EFNA5: variants seen among roughly 807,000 people sequenced by gnomAD.
EFNA5 encodes the protein ephrin-A5.
Under a neutral mutation model 22.9 loss-of-function variants are expected in EFNA5, and 5 were observed. The observed-to-expected ratio is 0.22, with a 90% CI of 0.11 to 0.46. The LOEUF is 0.46. Ranked by LOEUF, EFNA5 falls within the 20% of genes least tolerant of loss-of-function variation. EFNA5 has a pLI of 0.99. For missense variants in EFNA5, 237 were observed against 293.3 expected (o/e 0.81, Z 1.40); for synonymous variants, 113 against 112.2 (o/e 1.01, Z -0.04).
intron 1 of EFNA5, among the ~76,000 whole-genome samples, chr5:107,638,265 G>C (rs919274924): frequency 6.6e-6 from 1 of 152,060 alleles, no homozygotes; most frequent in Non-Finnish European, 1.5e-5. Flanking sequence ...ATACAACACC[G>C]CGTGATCTCA....
chr5:107,407,023 A>T (rs1186477598), intron 2 of EFNA5, among the ~76,000 whole-genome samples: 1 of 152,256 alleles, frequency 6.6e-6, no homozygotes, highest in Non-Finnish European at 1.5e-5. Flanking sequence ...AAGATGAATA[A>T]GTAGCTTATT....
At chr5:107,422,076 C>CCACTG (rs1748682575) in intron 2 of EFNA5, among the ~76,000 whole-genome samples, 3 of 152,328 alleles carry the variant, frequency 2.0e-5, no homozygotes, top group African/African-American at 7.2e-5. Context: ...CAGGCATGAG[C>CCACTG]CACTGCGCCC....
At chr5:107,381,693 T>C (rs1747467659) in intron 4 of EFNA5, among the ~76,000 whole-genome samples, 1 of 152,026 alleles carries the variant, frequency 6.6e-6, no homozygotes. Flanking sequence ...AAATTTCAGA[T>C]ATCTGAATGT....
At chr5:107,636,973 A>G (rs1399656991) in intron 1 of EFNA5, among the ~76,000 whole-genome samples, 1 of 152,250 alleles carries the variant, frequency 6.6e-6, no homozygotes, top group Non-Finnish European at 1.5e-5. Flanking sequence ...TTCTGGTTTT[A>G]TAAGAATAAC....
At chr5:107,418,264 C>T (rs1216517750) in intron 2 of EFNA5, among the ~76,000 whole-genome samples, 1 of 152,202 alleles carries the variant, frequency 6.6e-6, no homozygotes, top group East Asian at 1.9e-4. Context: ...TTCCTTTTTT[C>T]CTGGCATCTG....
intron 1 of EFNA5, among the ~76,000 whole-genome samples, chr5:107,468,683 G>C (rs1750059086): frequency 6.6e-6 from 1 of 152,114 alleles, no homozygotes; most frequent in African/African-American, 2.4e-5. Context: ...CAGTTCTTTT[G>C]GTTGAAAGCT....
intron 2 of EFNA5, among the ~76,000 whole-genome samples, chr5:107,405,436 C>T (rs2112394154): frequency 6.6e-6 from 1 of 152,306 alleles, no homozygotes; most frequent in Admixed American, 6.5e-5. Flanking sequence ...GCAGCAGATT[C>T]ACTCATTTTT....
chr5:107,670,668 A>T lies in EFNA5; in HGVS notation c.-55T>A. 6.3e-7 allele frequency: 1 copy of T among 1,575,268 alleles called. No homozygotes were observed. The highest frequency in any genetic ancestry group is 8.6e-7 in the Non-Finnish European group (1 of 1,161,440). ...GCGCCACTCCGGGGAGAGAGCGGGGATCCGGAGGGAGGGAGGCAGGCAAAG... is the reference window on the plus strand; with the variant it reads ...GCGCCACTCCGGGGAGAGAGCGGGGTTCCGGAGGGAGGGAGGCAGGCAAAG... On this transcript the variant is annotated 5_prime_UTR_variant, in exon 1 of 5. Coordinates refer to ENST00000333274, the MANE Select transcript of EFNA5 (RefSeq NM_001962.3).
chr5:107,392,506 G>A (rs1027902080), intron 2 of EFNA5, among the ~76,000 whole-genome samples: 2 of 152,186 alleles, frequency 1.3e-5, no homozygotes, highest in African/African-American at 2.4e-5. Context: ...ACAATCGGGT[G>A]AGTGAGCTGC....
intron 1 of EFNA5, among the ~76,000 whole-genome samples, chr5:107,599,708 C>T (rs1749548998): frequency 6.6e-6 from 1 of 152,118 alleles, no homozygotes; most frequent in Admixed American, 6.5e-5. Context: ...AAGTAGCTAC[C>T]TATAGGGCAT....
At chr5:107,526,036 G>T (rs1456724677) in intron 1 of EFNA5, among the ~76,000 whole-genome samples, 1 of 152,070 alleles carries the variant, frequency 6.6e-6, no homozygotes, top group African/African-American at 2.4e-5. Context: ...AATCAGAATT[G>T]CCCGCAAAGG....
At chr5:107,636,842 C>T (rs980146672) in intron 1 of EFNA5, among the ~76,000 whole-genome samples, 3 of 152,080 alleles carry the variant, frequency 2.0e-5, no homozygotes, top group African/African-American at 4.8e-5. Context: ...AGGGCAGTGG[C>T]GTGATGACAC....
chr5:107,471,890 A>G lies in EFNA5; in HGVS notation c.126-44381T>C, dbSNP rs554636155. On this transcript the variant is annotated intron_variant, in intron 1 of 4. Coordinates refer to ENST00000333274, the MANE Select transcript of EFNA5 (RefSeq NM_001962.3). ...AAGACAGTGATATTACATATGTAGTAGTTCTTACATGTAGTTGAAGATTTA... is the reference window on the plus strand; with the variant it reads ...AAGACAGTGATATTACATATGTAGTGGTTCTTACATGTAGTTGAAGATTTA... Among the ~76,000 whole-genome samples the G allele has an allele frequency of 2.4e-4, 37 of 152,362 alleles. 1 individual carries two copies. Among genetic ancestry groups the G allele is most frequent in the Admixed American group, 5.9e-4 (9 of 15,298 alleles).
chr5:107,637,445 G>C (rs891925686), intron 1 of EFNA5, among the ~76,000 whole-genome samples: 1 of 152,040 alleles, frequency 6.6e-6, no homozygotes, highest in South Asian at 2.1e-4. Flanking sequence ...GCTTCAGAGA[G>C]AGAAAGCATA....
At chr5:107,454,593 C>A (rs181318395) in intron 1 of EFNA5, among the ~76,000 whole-genome samples, 1 of 152,178 alleles carries the variant, frequency 6.6e-6, no homozygotes, top group Admixed American at 6.5e-5. Flanking sequence ...GAAATTTAAA[C>A]TTCCTGAAGT....
Position 107,556,500 on chromosome 5 carries a change from C to G in EFNA5, c.125+113989G>C, listed in dbSNP as rs1031999636. Among the ~76,000 whole-genome samples, 8 of 152,226 alleles carry G rather than the reference C, an allele frequency of 5.3e-5. No individual in the cohort carries two copies. The East Asian group carries it at 1.5e-3, about 29-fold the overall frequency. Reference sequence around the variant, plus strand: ...GTGGCTCATGCCTGTGATCCCAGCACTTTGGGAGGTTGAGGCGGGTGGATC... The same window carrying G: ...GTGGCTCATGCCTGTGATCCCAGCAGTTTGGGAGGTTGAGGCGGGTGGATC... On this transcript the variant is annotated intron_variant, in intron 1 of 4. Transcript: ENST00000333274.
At position 107,637,273 on chromosome 5, in the gene EFNA5, C is replaced by T. The variant is rs78458948; in HGVS notation, c.125+33216G>A. Among the ~76,000 whole-genome samples, 10 of 152,214 alleles carry T rather than the reference C, an allele frequency of 6.6e-5. 1 individual carries two copies. The East Asian group carries it at 1.9e-3, about 29-fold the overall frequency. On this transcript the variant is annotated intron_variant, in intron 1 of 4. Coordinates refer to ENST00000333274, the MANE Select transcript of EFNA5 (RefSeq NM_001962.3). ...AGCCATATCTTCTCCAATCTTTAAT[C>T]CACTCCCAAGAATGACTTTTGGTTA... is the stretch of plus-strand genomic sequence containing the variant.
rs141809355 is a variant in EFNA5, at chr5:107,388,268, G to A, written c.419-497C>T. Among the ~76,000 whole-genome samples the A allele has an allele frequency of 9.2e-5, 14 of 152,308 alleles. No individual in the cohort carries two copies. The East Asian group carries it at 1.7e-3, about 19-fold the overall frequency. On this transcript the variant is annotated intron_variant, in intron 2 of 4. Coordinates refer to ENST00000333274, the MANE Select transcript of EFNA5 (RefSeq NM_001962.3). ...TGCTGGGGAAAGCAGAGCTTTGTCT[G>A]TACTGAAAGCTTGTCTGTCAGTGCT...
chr5:107,395,902 G>A (rs984470587), intron 2 of EFNA5, among the ~76,000 whole-genome samples: 1 of 152,178 alleles, frequency 6.6e-6, no homozygotes. Flanking sequence ...AATCCCACAA[G>A]AGGAACTATT....
Sources: allele counts gnomAD v4.1 joint callset (sites outside exome capture counted in the v4.1 genomes callset), GRCh38; gene constraint gnomAD v4.1.1; transcripts MANE v1.5; gene names NCBI Gene and HGNC (gene_info 2026-07-23, HGNC 2026-07-21).